The following PRRC1 variants were observed in gnomAD, a reference collection of about 807,000 sequenced individuals.
PRRC1 encodes proline rich coiled-coil 1.
PRRC1 carries 39 observed loss-of-function variants against 40.7 expected under a neutral mutation model. The observed-to-expected ratio is 0.96, with a 90% CI of 0.74 to 1.25. The LOEUF is 1.25. Among genes scored for constraint, PRRC1 ranks in the 50% most tolerant of loss-of-function variants. The probability of loss-of-function intolerance (pLI) is 0.00; values close to 1 mark genes in which losing one functional copy is unlikely to be tolerated. For synonymous variants in PRRC1, 175 were observed against 193.3 expected, an observed-to-expected ratio of 0.91 and a Z score of 0.79; for missense variants, 573 against 548.3, an observed-to-expected ratio of 1.05 and a Z score of -0.45.
Position 127,553,283 on chromosome 5 carries a change from T to G in PRRC1, c.*1367T>G, listed in dbSNP as rs1269400838. ...TGCCACTTCAAGTCATTATTTGGTT[T>G]CTGCTATTTTTTTACCTGAGGATAA... On this transcript the variant is annotated 3_prime_UTR_variant, in exon 9 of 9. Coordinates refer to ENST00000296666, the MANE Select transcript of PRRC1 (RefSeq NM_130809.5). 14 of 986,872 alleles carry G rather than the reference T, an allele frequency of 1.4e-5. No homozygotes were observed. The highest frequency in any genetic ancestry group is 1.4e-5 in the Non-Finnish European group (12 of 831,138). 61.1% of individuals were successfully genotyped at this position (986,872 alleles called of 1,614,324 possible). A position where few individuals can be genotyped will look rare whatever the true frequency, so the allele number is the denominator to read the frequency against.
chr5:127,544,187 G>A (rs567778280), intron 7 of PRRC1, among the ~76,000 whole-genome samples: 4 of 152,294 alleles, frequency 2.6e-5, no homozygotes, highest in South Asian at 2.1e-4. Context: ...GCAGAACCGC[G>A]GATTTTCGTG....
At position 127,552,691 on chromosome 5, in the gene PRRC1, A is replaced by T. The variant is rs950068924; in HGVS notation, c.*775A>T. On this transcript the variant is annotated 3_prime_UTR_variant, in exon 9 of 9. Coordinates refer to ENST00000296666, the MANE Select transcript of PRRC1 (RefSeq NM_130809.5). ...GAAGTATTCAAATTATTTTTGTATA[A>T]TACTGTTCAGTACTTCCAAGAATAA... is the stretch of plus-strand genomic sequence containing the variant. The T allele has an allele frequency of 4.1e-6, 4 of 982,390 alleles. No individual in the cohort carries two copies. Among genetic ancestry groups the T allele is most frequent in the Non-Finnish European group, 4.8e-6 (4 of 826,778 alleles). The allele number at this position is 982,390 out of a possible 1,614,324, so 60.9% of individuals were successfully genotyped here.
chr5:127,519,563 C>CT (rs1375621263), intron 1 of PRRC1, among the ~76,000 whole-genome samples: 2 of 151,580 alleles, frequency 1.3e-5, no homozygotes, highest in Admixed American at 6.6e-5. Context: ...CTGCGAAACT[C>CT]TGGCTTTTGG....
Position 127,524,673 on chromosome 5 carries a change from T to G in PRRC1, c.246T>G (p.Ser82=). The change falls in exon 3 of 9, where the codon TCT becomes TCG. Residue 82 remains serine, a synonymous_variant. Coordinates refer to ENST00000296666, the MANE Select transcript of PRRC1 (RefSeq NM_130809.5). ...TTGTGCCTCCTCCTGCAGTTCCTTC[T>G]GTCCCACCACTTGTTACTTCTATGC... ...LPFVPPPAVP[S]VPPLVTSMPP... 1 of 1,614,186 alleles carries G rather than the reference T, an allele frequency of 6.2e-7. No individual in the cohort carries two copies. Among genetic ancestry groups the G allele is most frequent in the Non-Finnish European group, 8.5e-7 (1 of 1,180,036 alleles).
chr5:127,524,513 C>T lies in PRRC1; in HGVS notation c.104-18C>T, dbSNP rs776289519. The T allele has an allele frequency of 3.2e-6, 5 of 1,578,112 alleles. No individual in the cohort carries two copies. In the East Asian group the frequency reaches 6.8e-5, roughly 21 times the overall value. On this transcript the variant is annotated intron_variant, in intron 2 of 8. Transcript: ENST00000296666. ...ACATTTCTAATTCTGTGCTTTTATC[C>T]TCTCCACTTTTTTCTAGCGGCAACC... is the stretch of plus-strand genomic sequence containing the variant.
intron 2 of PRRC1, chr5:127,524,238 A>C: frequency 3.8e-6 from 1 of 265,696 alleles, no homozygotes; most frequent in Non-Finnish European, 7.1e-6. Flanking sequence ...TTTTATGCTC[A>C]AACTAGGGAT....
intron 7 of PRRC1, among the ~76,000 whole-genome samples, chr5:127,545,529 C>G (rs188477731): frequency 5.0e-4 from 75 of 150,740 alleles, no homozygotes; most frequent in Middle Eastern, 3.4e-3. Context: ...AGTAAACTAT[C>G]ACAAGGACAA....
chr5:127,537,996 T>C (rs1767941501), intron 6 of PRRC1, among the ~76,000 whole-genome samples: 1 of 151,968 alleles, frequency 6.6e-6, no homozygotes. Flanking sequence ...TGTTCAGTTT[T>C]TTATGTGGTA....
intron 5 of PRRC1, among the ~76,000 whole-genome samples, chr5:127,532,020 G>A (rs545808968): frequency 2.6e-5 from 4 of 151,860 alleles, no homozygotes; most frequent in East Asian, 1.9e-4. Context: ...TAATAAAATC[G>A]AATTTAAGAA....
At chr5:127,544,285 T>C (rs542291426) in intron 7 of PRRC1, among the ~76,000 whole-genome samples, 96 of 152,276 alleles carry the variant, frequency 6.3e-4, no homozygotes, top group African/African-American at 2.3e-3. Context: ...CAGTCTGACC[T>C]TACTGGGGGG....
chr5:127,548,333 A>C, intron 8 of PRRC1: 1 of 321,180 alleles, frequency 3.1e-6, no homozygotes. Flanking sequence ...TCTTTAGTGA[A>C]ATCAACATTA....
Position 127,552,270 on chromosome 5 carries a change from T to TATTAAAGAACATGTTGGTTGA in PRRC1, c.*357_*377dup, listed in dbSNP as rs1768413845. The TATTAAAGAACATGTTGGTTGA allele has an allele frequency of 1.9e-6, 2 of 1,051,572 alleles. No homozygotes were observed. Among genetic ancestry groups the TATTAAAGAACATGTTGGTTGA allele is most frequent in the East Asian group, 1.6e-4 (2 of 12,388 alleles). 65.1% of individuals were successfully genotyped at this position (1,051,572 alleles called of 1,614,324 possible). A position where few individuals can be genotyped will look rare whatever the true frequency, so the allele number is the denominator to read the frequency against. On this transcript the variant is annotated 3_prime_UTR_variant, in exon 9 of 9. Coordinates refer to ENST00000296666, the MANE Select transcript of PRRC1 (RefSeq NM_130809.5). ...TTATTTTGTTCTTTAAAGAAGACAT[T>TATTAAAGAACATGTTGGTTGA]ATTAAAGAACATGTTGGTTGAATGT... is the stretch of plus-strand genomic sequence containing the variant.
At position 127,554,354 on chromosome 5, in the gene PRRC1, T is replaced by C. The variant is rs400035; in HGVS notation, c.*2438T>C. On this transcript the variant is annotated 3_prime_UTR_variant, in exon 9 of 9. Coordinates refer to ENST00000296666, the MANE Select transcript of PRRC1 (RefSeq NM_130809.5). ...CATCTTTAATATAGTTCTTCACCAC[T>C]GTTGGGGTTGTTTTGTGATTTTTTT... is the stretch of plus-strand genomic sequence containing the variant. 0.32 allele frequency: 48,576 copies of C among 152,210 alleles called. 8,025 individuals carry two copies. Among genetic ancestry groups the C allele is most frequent in the East Asian group, 0.55 (2,829 of 5,162 alleles). The allele number at this position is 152,210 out of a possible 1,614,324, so 9.4% of individuals were successfully genotyped here.
chr5:127,538,422 A>T (rs1271651783), intron 6 of PRRC1, among the ~76,000 whole-genome samples: 1 of 152,114 alleles, frequency 6.6e-6, no homozygotes, highest in Non-Finnish European at 1.5e-5. Flanking sequence ...CAATAAACAG[A>T]AACCTTTTCC....
chr5:127,544,575 T>C (rs1414870394), intron 7 of PRRC1, among the ~76,000 whole-genome samples: 1 of 152,250 alleles, frequency 6.6e-6, no homozygotes, highest in Non-Finnish European at 1.5e-5. Context: ...TAAGCAAGTC[T>C]GGGCAATGGC....
At chr5:127,539,227 G>A in intron 7 of PRRC1, 84 bp downstream of exon 7, 1 of 953,540 alleles carries the variant, frequency 1.0e-6, no homozygotes, top group South Asian at 1.4e-5. Flanking sequence ...AGTGTCTCCT[G>A]TTTTATAACC....
At chr5:127,548,124 G>A (rs890992886) in intron 8 of PRRC1, 3 of 623,750 alleles carry the variant, frequency 4.8e-6, no homozygotes, top group Non-Finnish European at 8.5e-6. Context: ...TTTTCCAGGT[G>A]TCTTTGAAAG....
chr5:127,532,884 C>G (rs948184000), intron 5 of PRRC1, among the ~76,000 whole-genome samples: 7 of 152,048 alleles, frequency 4.6e-5, no homozygotes, highest in Non-Finnish European at 1.0e-4. Flanking sequence ...GTGTTTAGAA[C>G]AAGGGCTTTG....
intron 6 of PRRC1, 33 bp downstream of exon 6, chr5:127,533,819 A>C (rs772004061): frequency 3.1e-6 from 5 of 1,608,462 alleles, no homozygotes; most frequent in Non-Finnish European, 4.3e-6. Context: ...CAGGACATGG[A>C]AACTGGCATT....
Sources: gnomAD v4.1 joint callset for allele counts (sites outside exome capture counted in the v4.1 genomes callset) on GRCh38, gnomAD v4.1.1 for gene constraint, MANE v1.5 for transcripts, NCBI Gene and HGNC (gene_info 2026-07-23, HGNC 2026-07-21) for gene names.